Variants in SRGAP2 observed in about 807,000 individuals in gnomAD.
The protein encoded by SRGAP2 is SLIT-ROBO Rho GTPase activating protein 2.
Under a neutral mutation model 57.2 loss-of-function variants are expected in SRGAP2, and 15 were observed. That is an observed-to-expected ratio of 0.26 (90% CI 0.18 to 0.40). The LOEUF (loss-of-function observed/expected upper bound fraction) is 0.40, where lower values mean the gene tolerates loss of function less well. SRGAP2 is among the 10% of genes least tolerant of loss of function. The pLI is 1.00. For synonymous variants in SRGAP2, 249 were observed against 248.0 expected, an observed-to-expected ratio of 1.00 and a Z score of -0.04; for missense variants, 520 against 669.6, an observed-to-expected ratio of 0.78 and a Z score of 2.47.
At chr1:206,447,804 T>C (rs1179088888) in intron 18 of SRGAP2, among the ~76,000 whole-genome samples, 1 of 152,216 alleles carries the variant, frequency 6.6e-6, no homozygotes, top group Non-Finnish European at 1.5e-5. Context: ...CAGAGACCCC[T>C]ACAGCCCTGG....
At chr1:206,423,514 C>T (rs1660497608) in intron 13 of SRGAP2, among the ~76,000 whole-genome samples, 1 of 152,168 alleles carries the variant, frequency 6.6e-6, no homozygotes, top group South Asian at 2.1e-4. Context: ...TTTTGATTTG[C>T]GTAGCCCCTC....
At chr1:206,214,204 G>T (rs1553302910) in intron 2 of SRGAP2, among the ~76,000 whole-genome samples, 1 of 151,812 alleles carries the variant, frequency 6.6e-6, no homozygotes, top group East Asian at 1.9e-4. Flanking sequence ...GCTTTAAGAG[G>T]ACTGGAAGCC....
intron 2 of SRGAP2, among the ~76,000 whole-genome samples, chr1:206,260,720 T>TTATTGAATCAG: frequency 6.6e-6 from 1 of 152,230 alleles, no homozygotes; most frequent in East Asian, 1.9e-4. Flanking sequence ...GCCTCCTACT[T>TTATTGAATCAG]TATTGAATCA....
At chr1:206,438,271 G>A (rs192131553) in intron 16 of SRGAP2, among the ~76,000 whole-genome samples, 173 bp downstream of exon 16, 6 of 151,826 alleles carry the variant, frequency 4.0e-5, no homozygotes, top group Admixed American at 6.5e-5. Context: ...GAGGGGAGGA[G>A]GAAAGACTTT....
chr1:206,318,358 G>C (rs1477387921), intron 3 of SRGAP2, among the ~76,000 whole-genome samples: 2 of 152,130 alleles, frequency 1.3e-5, no homozygotes, highest in African/African-American at 4.8e-5. Flanking sequence ...GAAAGGGTTG[G>C]CTTCTTAGGT....
intron 14 of SRGAP2, among the ~76,000 whole-genome samples, chr1:206,433,738 A>G (rs115992876): frequency 0.011 from 1,681 of 152,324 alleles, 23 homozygotes; most frequent in Non-Finnish European, 0.017. Context: ...TTACAAGTGA[A>G]TAACGTAACC....
At position 206,239,708 on chromosome 1, in the gene SRGAP2, T is replaced by C. The variant is rs550567044; in HGVS notation, c.67+33671T>C. On this transcript the variant is annotated intron_variant, in intron 2 of 22. Coordinates refer to ENST00000573034, the MANE Select transcript of SRGAP2 (RefSeq NM_015326.5). The stretch of plus-strand genomic sequence containing the variant: ...CCCAACCTTAGGTGATCTGACTGCC[T>C]CAGCCTCCCGAAGTGCTGGGAATTA... 1.1e-4 allele frequency among the ~76,000 whole-genome samples: 16 copies of C among 150,924 alleles called. No homozygotes were observed. In the South Asian group the frequency reaches 3.4e-3, roughly 32 times the overall value.
chr1:206,290,834 C>T (rs1281633281), intron 2 of SRGAP2, among the ~76,000 whole-genome samples: 2 of 151,762 alleles, frequency 1.3e-5, no homozygotes, highest in African/African-American at 2.4e-5. Flanking sequence ...CAAGGTCACA[C>T]ATAGCTAGTA....
intron 17 of SRGAP2, among the ~76,000 whole-genome samples, chr1:206,441,233 T>G (rs1476529976): frequency 6.6e-6 from 1 of 152,068 alleles, no homozygotes; most frequent in Non-Finnish European, 1.5e-5. Context: ...AAGTGGAGAT[T>G]TTGAACAATT....
At chr1:206,249,758 G>GA (rs879997593) in intron 2 of SRGAP2, among the ~76,000 whole-genome samples, 52 of 150,964 alleles carry the variant, frequency 3.4e-4, no homozygotes, top group African/African-American at 1.2e-3. Context: ...AAAAGGAAAA[G>GA]AAAAAAAAAG....
chr1:206,361,344 T>G (rs531826505), intron 4 of SRGAP2, among the ~76,000 whole-genome samples: 1 of 151,452 alleles, frequency 6.6e-6, no homozygotes, highest in South Asian at 2.1e-4. Context: ...AAAAACAAAT[T>G]TACTTCCAAC....
At chr1:206,262,888 T>TG (rs1235743147) in intron 2 of SRGAP2, among the ~76,000 whole-genome samples, 2 of 113,336 alleles carry the variant, frequency 1.8e-5, no homozygotes, top group African/African-American at 6.7e-5. Flanking sequence ...TTTGTTTTTT[T>TG]TTTTTTTGTC....
chr1:206,354,506 C>T (rs1274036805), intron 4 of SRGAP2, among the ~76,000 whole-genome samples: 3 of 152,170 alleles, frequency 2.0e-5, no homozygotes, highest in South Asian at 2.1e-4. Flanking sequence ...GCACCTAAGA[C>T]GACCAACTAT....
At chr1:206,378,211 G>A (rs1201270930) in intron 4 of SRGAP2, among the ~76,000 whole-genome samples, 5 of 151,468 alleles carry the variant, frequency 3.3e-5, no homozygotes. Context: ...TTAAAAATTA[G>A]CCAAGCATGC....
chr1:206,439,759 C>T (rs1031928605), intron 16 of SRGAP2, among the ~76,000 whole-genome samples: 6 of 152,126 alleles, frequency 3.9e-5, no homozygotes, highest in East Asian at 1.9e-4. Context: ...ACCTTACATC[C>T]GGCAATGGTA....
intron 2 of SRGAP2, among the ~76,000 whole-genome samples, chr1:206,285,012 A>C (rs1456950614): frequency 1.3e-5 from 2 of 151,582 alleles, no homozygotes; most frequent in African/African-American, 4.9e-5. Context: ...TTTTTTAAAA[A>C]AGGAAACGAA....
chr1:206,232,174 T>C (rs1228814900), intron 2 of SRGAP2, among the ~76,000 whole-genome samples: 1 of 152,112 alleles, frequency 6.6e-6, no homozygotes, highest in East Asian at 1.9e-4. Flanking sequence ...TTATCTGTAG[T>C]AGCCAGACGG....
chr1:206,449,447 CTTT>C (rs60880671), intron 18 of SRGAP2, among the ~76,000 whole-genome samples: 5 of 138,780 alleles, frequency 3.6e-5, no homozygotes, highest in Non-Finnish European at 4.7e-5. Flanking sequence ...TGCACACTGG[CTTT>C]TTTTTTTTTT....
chr1:206,455,149 G>C (rs1663719607), intron 21 of SRGAP2, 125 bp downstream of exon 21: 1 of 754,422 alleles, frequency 1.3e-6, no homozygotes, highest in Non-Finnish European at 2.4e-6. Context: ...CAGCCTAACA[G>C]TTTGCATGTG....
Sources: gnomAD v4.1 joint callset for allele counts (sites outside exome capture counted in the v4.1 genomes callset) on GRCh38, gnomAD v4.1.1 for gene constraint, MANE v1.5 for transcripts, NCBI Gene and HGNC (gene_info 2026-07-23, HGNC 2026-07-21) for gene names.